The following TMPRSS7 variants were observed in gnomAD, a reference collection of about 807,000 sequenced individuals.
The protein encoded by TMPRSS7 is transmembrane serine protease 7, also known as transmembrane protease serine 7.
TMPRSS7 carries 81 observed loss-of-function variants against 95.6 expected under a neutral mutation model. That is an observed-to-expected ratio of 0.85 (90% CI 0.71 to 1.02). The LOEUF (loss-of-function observed/expected upper bound fraction) is 1.02. Ranked by LOEUF, TMPRSS7 falls within the 50% of genes least tolerant of loss-of-function variation. TMPRSS7 has a pLI of 0.00. For missense variants in TMPRSS7, 945 were observed against 955.2 expected (o/e 0.99, Z 0.14); for synonymous variants, 364 against 337.8 (o/e 1.08, Z -0.85).
At chr3:112,051,251 A>C (rs1310662353) in intron 9 of TMPRSS7, among the ~76,000 whole-genome samples, 1 of 152,184 alleles carries the variant, frequency 6.6e-6, no homozygotes, top group East Asian at 1.9e-4. Context: ...AAACAATAAC[A>C]CAAATAAAAA....
At chr3:112,048,363 GAT>G (rs1398813790) in intron 7 of TMPRSS7, among the ~76,000 whole-genome samples, 1 of 152,076 alleles carries the variant, frequency 6.6e-6, no homozygotes, top group Non-Finnish European at 1.5e-5. Flanking sequence ...TCGTTACAAA[GAT>G]AACACATGTT....
At chr3:112,063,007 C>G (rs969542228) in intron 11 of TMPRSS7, among the ~76,000 whole-genome samples, 7 of 152,270 alleles carry the variant, frequency 4.6e-5, no homozygotes, top group Admixed American at 4.6e-4. Context: ...AGTAATCTCT[C>G]TAGGTCCAAC....
In TMPRSS7 at chr3:112,074,280, T is replaced by A. The variant is rs183473278; in HGVS notation, c.1667-16T>A. On this transcript the variant is annotated splice_polypyrimidine_tract_variant and intron_variant, in intron 13 of 17. Coordinates refer to ENST00000452346, the Ensembl canonical transcript of TMPRSS7. ...TCTGGCTAAGGAAAGCTGTTTCTTCTTTTGTCCATTGTTAGGTATTCCATG... is the reference window on the plus strand; with the variant it reads ...TCTGGCTAAGGAAAGCTGTTTCTTCATTTGTCCATTGTTAGGTATTCCATG... The A allele has an allele frequency of 3.1e-5, 49 of 1,575,492 alleles. No individual in the cohort carries two copies. The African/African-American group carries it at 4.4e-4, about 14-fold the overall frequency.
chr3:112,077,062 A>T (rs1336829537), exon 16 of TMPRSS7: 3 of 1,614,224 alleles, frequency 1.9e-6, no homozygotes, highest in Non-Finnish European at 2.5e-6. Flanking sequence ...TCATTCAGCC[A>T]ATATGCATTC....
chr3:112,050,801 G>A lies in TMPRSS7; in HGVS notation c.1203+18G>A. The A allele has an allele frequency of 7.1e-7, 1 of 1,416,244 alleles. No individual in the cohort carries two copies. 87.7% of individuals were successfully genotyped at this position (1,416,244 alleles called of 1,614,324 possible). On this transcript the variant is annotated intron_variant, in intron 9 of 17. Transcript: ENST00000452346. ...AATTTCAGGTAGCCTAGTTCTACCA[G>A]TGTCTTAGAAAAATATTACTGCTCT...
At chr3:112,076,374 G>T (rs1392817274) in intron 15 of TMPRSS7, among the ~76,000 whole-genome samples, 3 of 152,202 alleles carry the variant, frequency 2.0e-5, no homozygotes, top group African/African-American at 7.2e-5. Flanking sequence ...TGAGCAGTAA[G>T]AGTAGTGATC....
At chr3:112,050,522 GAAAAAA>G in intron 8 of TMPRSS7, 143 bp from the exon 9 acceptor site, 2 of 164,128 alleles carry the variant, frequency 1.2e-5, no homozygotes, top group Admixed American at 9.8e-5. Context: ...CCTTTCTTCT[GAAAAAA>G]AAAAAAAAAA....
intron 4 of TMPRSS7, among the ~76,000 whole-genome samples, chr3:112,045,179 G>A (rs892134257): frequency 6.6e-6 from 1 of 152,030 alleles, no homozygotes; most frequent in Admixed American, 6.6e-5. Context: ...ACAGAGTCTC[G>A]CTCTGTCGCC....
intron 13 of TMPRSS7, among the ~76,000 whole-genome samples, chr3:112,068,447 T>C (rs56173481): frequency 0.03 from 4,562 of 152,334 alleles, 193 homozygotes; most frequent in African/African-American, 0.088. Context: ...GGATTCTTCC[T>C]ATCCATGAGC....
intron 13 of TMPRSS7, among the ~76,000 whole-genome samples, chr3:112,072,539 T>C (rs1482174520): frequency 6.6e-6 from 1 of 152,252 alleles, no homozygotes; most frequent in East Asian, 1.9e-4. Context: ...TCAGAAGTTG[T>C]CTGCTGCCTT....
rs938437449 is a variant in TMPRSS7 at position 112,072,964 on chromosome 3, A to G, written c.1667-1332A>G. ...GATTGCTGGGTCAAATGGTATTTCTAGTTCTAGATCCCTGAGGAATCACCA... is the reference window on the plus strand; with the variant it reads ...GATTGCTGGGTCAAATGGTATTTCTGGTTCTAGATCCCTGAGGAATCACCA... On this transcript the variant is annotated intron_variant, in intron 13 of 17. Coordinates refer to ENST00000452346, the Ensembl canonical transcript of TMPRSS7. Among the ~76,000 whole-genome samples, 3 of 152,100 alleles carry G rather than the reference A, an allele frequency of 2.0e-5. No individual in the cohort carries two copies. In the South Asian group the frequency reaches 6.2e-4, roughly 31 times the overall value.
At position 112,035,037 on chromosome 3, in the gene TMPRSS7, C is replaced by T. The variant is rs1576091976; in HGVS notation, c.48+144C>T. 75 of 613,042 alleles carry T rather than the reference C, an allele frequency of 1.2e-4. No individual in the cohort carries two copies. In the East Asian group the frequency reaches 2.1e-3, roughly 17 times the overall value. 38.0% of individuals were successfully genotyped at this position (613,042 alleles called of 1,614,324 possible). On this transcript the variant is annotated intron_variant, in intron 1 of 17. Transcript: ENST00000452346. Reference sequence around the variant, plus strand: ...TTCTTATGGTAATTAATGGGTTTTACAAATGTGAGCTTATTATAAAGTGCT... The same window carrying T: ...TTCTTATGGTAATTAATGGGTTTTATAAATGTGAGCTTATTATAAAGTGCT...
intron 1 of TMPRSS7, among the ~76,000 whole-genome samples, chr3:112,036,474 A>G (rs543688170): frequency 3.4e-4 from 52 of 151,648 alleles, no homozygotes; most frequent in East Asian, 2.0e-4. Flanking sequence ...ATGCTGAGGC[A>G]GGGGAATCGC....
intron 15 of TMPRSS7, among the ~76,000 whole-genome samples, chr3:112,075,847 A>T (rs1443145052): frequency 6.6e-6 from 1 of 152,200 alleles, no homozygotes; most frequent in East Asian, 1.9e-4. Context: ...GATGGGATAG[A>T]TGCTCTTCCA....
intron 9 of TMPRSS7, among the ~76,000 whole-genome samples, chr3:112,056,475 C>A (rs1187597213): frequency 2.0e-5 from 3 of 151,998 alleles, no homozygotes; most frequent in South Asian, 2.1e-4. Flanking sequence ...TGTGTGTGTG[C>A]ATGGACTGGT....
chr3:112,050,508 C>T (rs1246039220), intron 8 of TMPRSS7, among the ~76,000 whole-genome samples, 163 bp from the exon 9 acceptor site: 4 of 59,406 alleles, frequency 6.7e-5, no homozygotes, highest in Non-Finnish European at 1.4e-4. Context: ...TGTAGGGTGG[C>T]ATTCCTTTCT....
intron 13 of TMPRSS7, among the ~76,000 whole-genome samples, chr3:112,072,759 A>T (rs2073666376): frequency 6.6e-6 from 1 of 152,248 alleles, no homozygotes; most frequent in South Asian, 2.1e-4. Context: ...GGCTCTGTGG[A>T]CGTGGGACCT....
intron 13 of TMPRSS7, among the ~76,000 whole-genome samples, chr3:112,066,743 G>A (rs894734727): frequency 2.0e-5 from 3 of 151,912 alleles, no homozygotes; most frequent in Non-Finnish European, 4.4e-5. Context: ...GAGTGTGTGT[G>A]TGTGTTCATG....
chr3:112,037,813 C>G (rs759853390), intron 1 of TMPRSS7, among the ~76,000 whole-genome samples: 1 of 152,124 alleles, frequency 6.6e-6, no homozygotes, highest in African/African-American at 2.4e-5. Context: ...ATTGAAATAT[C>G]GGGGGCTGGT....
Sources: allele counts gnomAD v4.1 joint callset (sites outside exome capture counted in the v4.1 genomes callset), GRCh38; gene constraint gnomAD v4.1.1; transcripts MANE v1.5; gene names NCBI Gene and HGNC (gene_info 2026-07-23, HGNC 2026-07-21).